Variants in SGCZ observed in about 807,000 individuals in gnomAD.
SGCZ encodes the protein zeta-sarcoglycan.
A neutral mutation model predicts 41.3 loss-of-function variants in SGCZ; 40 were observed. The ratio of observed to expected loss-of-function variants is 0.97; its 90% CI spans 0.75 to 1.26. SGCZ has a LOEUF of 1.26. Among genes scored for constraint, SGCZ ranks in the 50% most tolerant of loss-of-function variants. The pLI is 0.00. For synonymous variants in SGCZ, 206 were observed against 137.5 expected (o/e 1.50, Z -3.49); for missense variants, 552 against 369.8 (o/e 1.49, Z -4.04).
chr8:14,288,330 C>G (rs542880095), intron 3 of SGCZ, among the ~76,000 whole-genome samples: 1 of 152,136 alleles, frequency 6.6e-6, no homozygotes, highest in Admixed American at 6.6e-5. Flanking sequence ...AATTAAGTGG[C>G]AGGTAGTACA....
At chr8:14,852,272 C>T (rs1348693938) in intron 1 of SGCZ, among the ~76,000 whole-genome samples, 2 of 152,028 alleles carry the variant, frequency 1.3e-5, no homozygotes, top group Admixed American at 6.6e-5. Flanking sequence ...AGTCCAAGAA[C>T]CATCTGAAAG....
At chr8:14,979,868 A>T (rs566070998) in intron 1 of SGCZ, among the ~76,000 whole-genome samples, 8 of 152,194 alleles carry the variant, frequency 5.3e-5, no homozygotes, top group Non-Finnish European at 1.0e-4. Context: ...GGGCATAGTA[A>T]ATTTCGTAAA....
At chr8:14,529,950 A>C (rs1397923554) in intron 2 of SGCZ, among the ~76,000 whole-genome samples, 2 of 152,114 alleles carry the variant, frequency 1.3e-5, no homozygotes, top group East Asian at 3.9e-4. Context: ...ATTAAAGAAA[A>C]ATTACTTTAT....
At chr8:14,165,481 G>A (rs1206992228) in intron 4 of SGCZ, 1 of 152,062 alleles carries the variant, frequency 6.6e-6, no homozygotes, top group Admixed American at 6.6e-5. Flanking sequence ...GGGCCTTGAA[G>A]GTGAATGTTA....
intron 1 of SGCZ, among the ~76,000 whole-genome samples, chr8:14,641,780 A>G (rs1807035892): frequency 6.6e-6 from 1 of 151,628 alleles, no homozygotes; most frequent in Non-Finnish European, 1.5e-5. Context: ...GGCTAGTAAA[A>G]CTGTAGAGTT....
At chr8:15,110,035 T>A (rs1159251704) in intron 1 of SGCZ, among the ~76,000 whole-genome samples, 2 of 152,198 alleles carry the variant, frequency 1.3e-5, no homozygotes, top group Non-Finnish European at 2.9e-5. Flanking sequence ...CAGGGACATT[T>A]TCATTAGTTA....
At chr8:15,024,536 C>G (rs1803374556) in intron 1 of SGCZ, among the ~76,000 whole-genome samples, 1 of 152,082 alleles carries the variant, frequency 6.6e-6, no homozygotes, top group Non-Finnish European at 1.5e-5. Flanking sequence ...ATTAAACACA[C>G]TATTTATATG....
intron 4 of SGCZ, among the ~76,000 whole-genome samples, chr8:14,197,063 A>G (rs916050511): frequency 2.6e-5 from 4 of 152,188 alleles, no homozygotes; most frequent in South Asian, 2.1e-4. Context: ...TTTGCTAAAA[A>G]TCATTAAAAT....
intron 4 of SGCZ, among the ~76,000 whole-genome samples, chr8:14,191,068 G>A (rs1805086881): frequency 6.6e-6 from 1 of 152,022 alleles, no homozygotes; most frequent in African/African-American, 2.4e-5. Context: ...AAATTATGGT[G>A]GTTTTGATTT....
intron 1 of SGCZ, among the ~76,000 whole-genome samples, chr8:14,831,374 T>G (rs1802520628): frequency 6.6e-6 from 1 of 152,082 alleles, no homozygotes; most frequent in Admixed American, 6.6e-5. Flanking sequence ...CAAAACAAGA[T>G]AATCTATGTG....
At chr8:14,865,040 T>A (rs115215921) in intron 1 of SGCZ, among the ~76,000 whole-genome samples, 1 of 152,138 alleles carries the variant, frequency 6.6e-6, no homozygotes, top group East Asian at 1.9e-4. Context: ...ATATTCTGGA[T>A]TAATCCTTGT....
In SGCZ at chr8:14,164,720, G is replaced by C; in HGVS notation, c.425-18C>G. 6.2e-7 allele frequency: 1 copy of C among 1,610,914 alleles called. No homozygotes were observed. Among genetic ancestry groups the C allele is most frequent in the Non-Finnish European group, 8.5e-7 (1 of 1,178,742 alleles). On this transcript the variant is annotated intron_variant, in intron 4 of 7. Coordinates refer to ENST00000382080, the MANE Select transcript of SGCZ (RefSeq NM_139167.4). The stretch of plus-strand genomic sequence containing the variant: ...ATCAGCTCCTATGGTCAGAGGAAAG[G>C]TTTAAAAATGAAACTGGTATGCAGG...
At chr8:15,097,914 G>C (rs1351029000) in intron 1 of SGCZ, among the ~76,000 whole-genome samples, 1 of 78,010 alleles carries the variant, frequency 1.3e-5, no homozygotes, top group African/African-American at 4.5e-5. Context: ...ATATATACGT[G>C]TGTATATATA....
intron 1 of SGCZ, among the ~76,000 whole-genome samples, chr8:15,078,190 A>G (rs73522882): frequency 0.046 from 4,681 of 102,404 alleles, 394 homozygotes; most frequent in African/African-American, 0.17. Context: ...TAATGAATCC[A>G]CCCTCCTCAC....
intron 1 of SGCZ, among the ~76,000 whole-genome samples, chr8:14,943,660 C>T (rs1395557844): frequency 6.6e-6 from 1 of 152,020 alleles, no homozygotes; most frequent in Non-Finnish European, 1.5e-5. Flanking sequence ...GTTTGGTGTA[C>T]AAATTATTTC....
intron 2 of SGCZ, among the ~76,000 whole-genome samples, chr8:14,325,277 T>A (rs1294417518): frequency 6.6e-6 from 1 of 151,966 alleles, no homozygotes. Flanking sequence ...TTTACAGACT[T>A]GTTGACTAAT....
At chr8:14,759,997 G>C (rs1243842371) in intron 1 of SGCZ, among the ~76,000 whole-genome samples, 1 of 152,174 alleles carries the variant, frequency 6.6e-6, no homozygotes, top group Admixed American at 6.5e-5. Flanking sequence ...TAGCTATTGA[G>C]TGGTGTTTTA....
chr8:14,651,214 AAGT>A (rs1807388049), intron 1 of SGCZ, among the ~76,000 whole-genome samples: 2 of 152,092 alleles, frequency 1.3e-5, no homozygotes, highest in Non-Finnish European at 2.9e-5. Context: ...AGATATGAAA[AAGT>A]AGATTGCTCC....
intron 1 of SGCZ, among the ~76,000 whole-genome samples, chr8:15,166,231 C>G (rs535648537): frequency 2.1e-5 from 3 of 141,064 alleles, no homozygotes; most frequent in African/African-American, 7.4e-5. Context: ...GATGCTCAAT[C>G]CTTTTTTTTT....
Sources: gnomAD v4.1 joint callset for allele counts (sites outside exome capture counted in the v4.1 genomes callset) on GRCh38, gnomAD v4.1.1 for gene constraint, MANE v1.5 for transcripts, NCBI Gene and HGNC (gene_info 2026-07-23, HGNC 2026-07-21) for gene names.